The following RALGAPA1 variants were observed in gnomAD, a reference collection of about 807,000 sequenced individuals.
RALGAPA1 encodes Ral GTPase activating protein catalytic subunit alpha 1, also known as ral GTPase-activating protein subunit alpha-1.
Under a neutral mutation model 269.6 loss-of-function variants are expected in RALGAPA1, and 52 were observed. That is an observed-to-expected ratio of 0.19 (90% CI 0.15 to 0.24). The LOEUF is 0.24. Among genes scored for constraint, RALGAPA1 ranks in the 10% least tolerant of loss-of-function variants. RALGAPA1 has a pLI of 1.00. For missense variants in RALGAPA1, 1,917 were observed against 3,013.9 expected (o/e 0.64, Z 8.52); for synonymous variants, 817 against 1,008.3 (o/e 0.81, Z 3.60).
intron 1 of RALGAPA1, among the ~76,000 whole-genome samples, chr14:35,781,569 A>G (rs2075427732): frequency 9.1e-6 from 1 of 109,752 alleles, no homozygotes; most frequent in African/African-American, 3.9e-5. Flanking sequence ...AAATACTAGA[A>G]AACTGAATCT....
chr14:35,706,981 A>C (rs2067866220), intron 16 of RALGAPA1: 1 of 152,230 alleles, frequency 6.6e-6, no homozygotes, highest in Non-Finnish European at 1.5e-5. Flanking sequence ...CATGTACATG[A>C]ACTAGACCTC....
At chr14:35,658,522 CTT>C (rs1490400378) in intron 28 of RALGAPA1, among the ~76,000 whole-genome samples, 3 of 151,984 alleles carry the variant, frequency 2.0e-5, no homozygotes, top group African/African-American at 2.4e-5. Context: ...TAAAATATGA[CTT>C]AATGTTATTT....
chr14:35,735,666 C>T (rs2141087825), intron 12 of RALGAPA1, among the ~76,000 whole-genome samples: 1 of 151,888 alleles, frequency 6.6e-6, no homozygotes, highest in Admixed American at 6.6e-5. Context: ...AGAACTTACT[C>T]ATGTAACCAA....
At chr14:35,540,655 G>GA (rs199931994) in intron 41 of RALGAPA1, among the ~76,000 whole-genome samples, 9 of 150,918 alleles carry the variant, frequency 6.0e-5, no homozygotes, top group African/African-American at 1.5e-4. Flanking sequence ...AAGTCCTTCA[G>GA]AAAAAAAAAT....
At chr14:35,630,790 G>T (rs1393426023) in intron 33 of RALGAPA1, among the ~76,000 whole-genome samples, 4 of 152,120 alleles carry the variant, frequency 2.6e-5, no homozygotes, top group Non-Finnish European at 5.9e-5. Context: ...AGAATCACTT[G>T]AACCTGGCAG....
At chr14:35,547,680 T>A (rs1348662322) in intron 41 of RALGAPA1, among the ~76,000 whole-genome samples, 1 of 152,170 alleles carries the variant, frequency 6.6e-6, no homozygotes, top group Non-Finnish European at 1.5e-5. Context: ...CCATCTTTTT[T>A]AATGCCAAAC....
intron 1 of RALGAPA1, among the ~76,000 whole-genome samples, chr14:35,783,310 GA>G (rs920954701): frequency 6.6e-6 from 1 of 150,862 alleles, no homozygotes; most frequent in South Asian, 2.1e-4. Context: ...GAAAAGGAGG[GA>G]AAAAAAAAGT....
intron 39 of RALGAPA1, among the ~76,000 whole-genome samples, chr14:35,559,436 A>G (rs1013279754): frequency 2.6e-5 from 4 of 152,212 alleles, no homozygotes; most frequent in Non-Finnish European, 5.9e-5. Context: ...GTGGTGAACA[A>G]TAATGTGAGT....
chr14:35,721,771 G>A lies in RALGAPA1; in HGVS notation c.2183C>T (p.Ala728Val), dbSNP rs199531204. 23 of 1,612,180 alleles carry A rather than the reference G, an allele frequency of 1.4e-5. No individual in the cohort carries two copies. The highest frequency in any genetic ancestry group is 6.6e-5 in the South Asian group (6 of 91,022). ...RGWSRDQPGQ[A>V]PMRQRSATTT... The stretch of plus-strand genomic sequence containing the variant: ...TGTTGCACTCCTCTGTCTCATTGGG[G>A]CTTGGCCAGGCTGATCACGACTCCA... Residue 728 changes from alanine (A) to valine (V), a missense_variant, in exon 16 of 42, where the codon GCC (alanine) becomes GTC (valine). By Grantham distance (64) the Ala-to-Val change is moderately conservative (BLOSUM62 0). Coordinates refer to ENST00000680220, the MANE Select transcript of RALGAPA1 (RefSeq NM_001346249.2).
At chr14:35,624,156 C>CAAAAAAA (rs377171729) in intron 35 of RALGAPA1, among the ~76,000 whole-genome samples, 10 of 21,834 alleles carry the variant, frequency 4.6e-4, no homozygotes, top group East Asian at 2.2e-3. Context: ...TAATACAACG[C>CAAAAAAA]AAAAAAAAAA....
intron 16 of RALGAPA1, among the ~76,000 whole-genome samples, chr14:35,717,026 C>T (rs144097913): frequency 3.3e-5 from 5 of 152,306 alleles, no homozygotes; most frequent in Middle Eastern, 3.4e-3. Flanking sequence ...ATGATCCTTG[C>T]TTAAATCTAT....
intron 37 of RALGAPA1, among the ~76,000 whole-genome samples, chr14:35,594,798 T>A (rs1379414518): frequency 6.6e-6 from 1 of 151,982 alleles, no homozygotes; most frequent in Non-Finnish European, 1.5e-5. Context: ...AACCTTTTTC[T>A]GGGCATATAC....
At chr14:35,801,097 A>G (rs1278709632) in intron 1 of RALGAPA1, among the ~76,000 whole-genome samples, 1 of 151,572 alleles carries the variant, frequency 6.6e-6, no homozygotes, top group Non-Finnish European at 1.5e-5. Flanking sequence ...ACACGGAAAA[A>G]TCAATAAAAC....
At chr14:35,805,144 C>T (rs1416376497) in intron 1 of RALGAPA1, among the ~76,000 whole-genome samples, 4 of 151,196 alleles carry the variant, frequency 2.6e-5, no homozygotes, top group Non-Finnish European at 4.4e-5. Context: ...AAAAAAAAGG[C>T]GGGGCGCCGT....
intron 34 of RALGAPA1, among the ~76,000 whole-genome samples, chr14:35,626,661 G>T (rs776004876): frequency 1.3e-5 from 2 of 152,022 alleles, no homozygotes; most frequent in East Asian, 1.9e-4. Flanking sequence ...TGAGTTTATT[G>T]TAAGTTTTTA....
At chr14:35,771,871 G>A (rs1595503276) in intron 3 of RALGAPA1, among the ~76,000 whole-genome samples, 4 of 152,130 alleles carry the variant, frequency 2.6e-5, no homozygotes, top group Admixed American at 2.0e-4. Context: ...TATCACTGAT[G>A]AGTTTCAATT....
At chr14:35,607,817 A>G (rs1402851440) in intron 35 of RALGAPA1, among the ~76,000 whole-genome samples, 3 of 152,250 alleles carry the variant, frequency 2.0e-5, no homozygotes, top group Non-Finnish European at 4.4e-5. Context: ...ACAGAACTTT[A>G]ATAGAATCAG....
chr14:35,628,269 C>T (rs1043506879), intron 33 of RALGAPA1, among the ~76,000 whole-genome samples: 5 of 152,048 alleles, frequency 3.3e-5, no homozygotes, highest in East Asian at 3.9e-4. Context: ...AAGCCAAAGA[C>T]GGCCAGGTGC....
chr14:35,685,616 A>C (rs2065857894), intron 19 of RALGAPA1, among the ~76,000 whole-genome samples: 1 of 152,168 alleles, frequency 6.6e-6, no homozygotes, highest in African/African-American at 2.4e-5. Context: ...AAAAAAAGCA[A>C]TTCCAGGTCC....
Sources: gnomAD v4.1 joint callset for allele counts (sites outside exome capture counted in the v4.1 genomes callset) on GRCh38, gnomAD v4.1.1 for gene constraint, MANE v1.5 for transcripts, NCBI Gene and HGNC (gene_info 2026-07-23, HGNC 2026-07-21) for gene names.